The following CACNA1E variants were observed in gnomAD, a reference collection of about 807,000 sequenced individuals.
The protein encoded by CACNA1E is voltage-dependent R-type calcium channel subunit alpha-1E.
A neutral mutation model predicts 259.2 loss-of-function variants in CACNA1E; 40 were observed. The ratio of observed to expected loss-of-function variants is 0.15; its 90% CI spans 0.12 to 0.20. CACNA1E has a LOEUF of 0.20. Ranked by LOEUF, CACNA1E falls within the 10% of genes least tolerant of loss-of-function variation. CACNA1E has a pLI of 1.00. For missense variants in CACNA1E, 1,874 were observed against 3,040.1 expected (o/e 0.62, Z 9.02); for synonymous variants, 1,104 against 1,138.5 (o/e 0.97, Z 0.61).
chr1:181,380,159 G>T (rs527773488), intron 1 of CACNA1E, among the ~76,000 whole-genome samples: 2 of 151,672 alleles, frequency 1.3e-5, no homozygotes, highest in South Asian at 4.1e-4. Context: ...AAAGAAGGCA[G>T]AAAAAGAGGA....
chr1:181,783,123 T>C (rs926719180), intron 39 of CACNA1E, among the ~76,000 whole-genome samples: 5 of 152,314 alleles, frequency 3.3e-5, no homozygotes, highest in African/African-American at 4.8e-5. Flanking sequence ...GTTGGACTTA[T>C]GCATGTTCAA....
intron 2 of CACNA1E, among the ~76,000 whole-genome samples, chr1:181,422,358 G>A (rs878943486): frequency 6.6e-6 from 1 of 152,198 alleles, no homozygotes; most frequent in Admixed American, 6.5e-5. Flanking sequence ...TTCCGTAACA[G>A]TGGCTATGGT....
intron 1 of CACNA1E, among the ~76,000 whole-genome samples, chr1:181,351,383 T>A (rs1653034450): frequency 6.6e-6 from 1 of 152,190 alleles, no homozygotes; most frequent in Non-Finnish European, 1.5e-5. Flanking sequence ...CTGGACTCTC[T>A]GAGGTGGAGG....
rs1484295401 is a variant in CACNA1E at position 181,807,923 on chromosome 1, T to C, written c.*9089T>C. ...TCTGACAACCTTTAACTTCACACTT[T>C]TATGAGATAATAAGTTGGTTTCTTG... On this transcript the variant is annotated 3_prime_UTR_variant, in exon 48 of 48. Transcript: ENST00000367573. The C allele has an allele frequency of 6.6e-6, 1 of 152,174 alleles. No homozygotes were observed. Among genetic ancestry groups the C allele is most frequent in the Non-Finnish European group, 1.5e-5 (1 of 68,026 alleles). The allele number at this position is 152,174 out of a possible 1,614,324, so 9.4% of individuals were successfully genotyped here.
At chr1:181,783,945 C>G (rs1308114843) in intron 40 of CACNA1E, among the ~76,000 whole-genome samples, 161 bp downstream of exon 40, 1 of 152,180 alleles carries the variant, frequency 6.6e-6, no homozygotes, top group Non-Finnish European at 1.5e-5. Flanking sequence ...AATAATTGCC[C>G]TTTCCTTCTG....
At chr1:181,662,453 G>T (rs1259726248) in intron 7 of CACNA1E, among the ~76,000 whole-genome samples, 1 of 152,178 alleles carries the variant, frequency 6.6e-6, no homozygotes, top group Non-Finnish European at 1.5e-5. Context: ...ACTCTAGACA[G>T]TCTAGCTGGG....
Position 181,755,370 on chromosome 1 carries a change from G to A in CACNA1E, c.3962G>A (p.Ser1321Asn). 4.3e-6 allele frequency: 7 copies of A among 1,613,918 alleles called. No homozygotes were observed. The highest frequency in any genetic ancestry group is 5.9e-6 in the Non-Finnish European group (7 of 1,179,812). ...GGAAAGTTCTTTTATTGCACGGACA[G>A]TTCCAAGGACACAGAGAAGGAGTGC... is the stretch of plus-strand genomic sequence containing the variant. ...FKGKFFYCTD[S>N]SKDTEKECIG... The change falls in exon 28 of 48, where the codon AGT (serine) becomes AAT (asparagine). Residue 1321 changes from serine to asparagine, a missense_variant. Transcript: ENST00000367573.
At chr1:181,620,323 A>G (rs944063396) in intron 6 of CACNA1E, among the ~76,000 whole-genome samples, 1 of 152,210 alleles carries the variant, frequency 6.6e-6, no homozygotes, top group African/African-American at 2.4e-5. Flanking sequence ...GAAGGGGAAG[A>G]CATCCTGATT....
At chr1:181,364,450 A>G (rs1260617984) in intron 1 of CACNA1E, among the ~76,000 whole-genome samples, 2 of 152,172 alleles carry the variant, frequency 1.3e-5, no homozygotes, top group Non-Finnish European at 2.9e-5. Context: ...CGCAGTAAAC[A>G]TTCTGTACAA....
At chr1:181,520,382 C>T (rs1375398415) in intron 3 of CACNA1E, among the ~76,000 whole-genome samples, 4 of 151,996 alleles carry the variant, frequency 2.6e-5, no homozygotes, top group Non-Finnish European at 5.9e-5. Context: ...AACAATAATA[C>T]CTTCCCTCCA....
At chr1:181,378,704 G>C (rs1250780915) in intron 1 of CACNA1E, among the ~76,000 whole-genome samples, 3 of 152,166 alleles carry the variant, frequency 2.0e-5, no homozygotes, top group Admixed American at 1.3e-4. Flanking sequence ...CATAAATAGT[G>C]CCTATTCTCA....
intron 2 of CACNA1E, among the ~76,000 whole-genome samples, chr1:181,443,594 C>G (rs938052311): frequency 6.6e-6 from 1 of 152,252 alleles, no homozygotes; most frequent in African/African-American, 2.4e-5. Flanking sequence ...GGACCACAGT[C>G]TTATCACCTC....
Position 181,499,699 on chromosome 1 carries a change from C to A in CACNA1E, c.267-10778C>A, listed in dbSNP as rs115167205. ...CTGGGAACTTCTAGAAATGCTGATA[C>A]CTAGACTGCAGCCAAGACAAATTAA... is the stretch of plus-strand genomic sequence containing the variant. On this transcript the variant is annotated intron_variant, in intron 1 of 47. Transcript: ENST00000367573. Among the ~76,000 whole-genome samples the A allele has an allele frequency of 8.9e-3, 1,359 of 152,308 alleles. 17 individuals carry two copies. Among genetic ancestry groups the A allele is most frequent in the African/African-American group, 0.031 (1,268 of 41,556 alleles).
At chr1:181,387,175 C>T (rs1050794832) in intron 1 of CACNA1E, among the ~76,000 whole-genome samples, 4 of 151,968 alleles carry the variant, frequency 2.6e-5, no homozygotes, top group African/African-American at 2.4e-5. Flanking sequence ...GCCCAGCCCT[C>T]GGGTGTTTCT....
At position 181,518,361 on chromosome 1, in the gene CACNA1E, C is replaced by T. The variant is rs76600289; in HGVS notation, c.512+6851C>T. Among the ~76,000 whole-genome samples the T allele has an allele frequency of 8.7e-3, 1,320 of 152,274 alleles. 20 individuals are homozygous for T. The highest frequency in any genetic ancestry group is 0.031 in the African/African-American group (1,270 of 41,542). The stretch of plus-strand genomic sequence containing the variant: ...TGACAGATCTCCACCTCCTCCCTGG[C>T]TTTTTGTGCATTTCTAGCTCCACAC... On this transcript the variant is annotated intron_variant, in intron 3 of 47. Transcript: ENST00000367573.
intron 7 of CACNA1E, among the ~76,000 whole-genome samples, chr1:181,665,533 T>A (rs1315259010): frequency 6.6e-6 from 1 of 152,188 alleles, no homozygotes; most frequent in African/African-American, 2.4e-5. Flanking sequence ...AGTTCTGGTG[T>A]TCTATTGCAC....
intron 3 of CACNA1E, among the ~76,000 whole-genome samples, chr1:181,562,412 G>T (rs934451254): frequency 2.0e-5 from 3 of 152,220 alleles, no homozygotes; most frequent in Non-Finnish European, 4.4e-5. Context: ...TTATTAAACA[G>T]TCTGTGTTTC....
At chr1:181,583,040 G>C (rs926851332) in intron 6 of CACNA1E, among the ~76,000 whole-genome samples, 1 of 151,564 alleles carries the variant, frequency 6.6e-6, no homozygotes, top group African/African-American at 2.4e-5. Context: ...TTAGGGCTAG[G>C]GGGACTGTTA....
intron 1 of CACNA1E, among the ~76,000 whole-genome samples, chr1:181,366,340 T>C (rs925907393): frequency 2.0e-5 from 3 of 152,216 alleles, no homozygotes; most frequent in Non-Finnish European, 4.4e-5. Flanking sequence ...TGCAATGTGC[T>C]AGAATCTGAT....
Sources: gnomAD v4.1 joint callset for allele counts (sites outside exome capture counted in the v4.1 genomes callset) on GRCh38, gnomAD v4.1.1 for gene constraint, MANE v1.5 for transcripts, NCBI Gene and HGNC (gene_info 2026-07-23, HGNC 2026-07-21) for gene names.